Variants in CCDC32 observed in about 807,000 individuals in gnomAD.
The protein encoded by CCDC32 is coiled-coil domain containing 32.
In CCDC32, 9 loss-of-function variants were observed where a neutral mutation model predicts 20.1. The observed-to-expected ratio is 0.45, with a 90% CI of 0.27 to 0.78. The LOEUF is 0.78. Ranked by LOEUF, CCDC32 falls within the 30% of genes least tolerant of loss-of-function variation. CCDC32 has a pLI of 0.16. For synonymous variants in CCDC32, 63 were observed against 79.0 expected (o/e 0.80, Z 1.07); for missense variants, 204 against 215.5 (o/e 0.95, Z 0.33).
exon 4 of CCDC32, chr15:40,528,710 C>A (rs766499150): frequency 2.9e-6 from 2 of 700,132 alleles, no homozygotes; most frequent in South Asian, 3.0e-5. Context: ...CAGGCCTTGT[C>A]CACAAGCGAA....
At chr15:40,544,512 G>A (rs987034702) in intron 3 of CCDC32, among the ~76,000 whole-genome samples, 3 of 152,246 alleles carry the variant, frequency 2.0e-5, no homozygotes, top group Non-Finnish European at 2.9e-5. Flanking sequence ...ACCACTGTGC[G>A]GAGCCCCCTG....
chr15:40,554,279 A>G, intron 3 of CCDC32, 152 bp from the exon 4 acceptor site: 2 of 1,149,674 alleles, frequency 1.7e-6, no homozygotes, highest in South Asian at 3.3e-5. Context: ...GTACAAGGAT[A>G]CTCCTAATGG....
At chr15:40,558,415 G>A (rs987044243) in intron 2 of CCDC32, among the ~76,000 whole-genome samples, 1 of 152,060 alleles carries the variant, frequency 6.6e-6, no homozygotes, top group African/African-American at 2.4e-5. Context: ...ATATAAAAAG[G>A]GTTATCCATA....
chr15:40,560,098 C>G (rs1283925742), intron 2 of CCDC32, among the ~76,000 whole-genome samples: 1 of 152,334 alleles, frequency 6.6e-6, no homozygotes, highest in Admixed American at 6.5e-5. Context: ...CAACCTCTGC[C>G]TCCTGGGTTC....
Position 40,553,575 on chromosome 15 carries a change from A to C in CCDC32, c.*396T>G. On this transcript the variant is annotated 3_prime_UTR_variant, in exon 4 of 4. Coordinates refer to ENST00000416810, the MANE Select transcript of CCDC32 (RefSeq NM_001080792.4). ...GAATGTCCGGAAGAGGCAAGAAAAT[A>C]TATGGCTCACTTAACTTACACATTA... 1.0e-6 allele frequency: 1 copy of C among 995,662 alleles called. No homozygotes were observed. Among genetic ancestry groups the C allele is most frequent in the Non-Finnish European group, 1.2e-6 (1 of 836,822 alleles). The allele number at this position is 995,662 out of a possible 1,614,324, so 61.7% of individuals were successfully genotyped here. A position where few individuals can be genotyped will look rare whatever the true frequency, so the allele number is the denominator to read the frequency against.
At chr15:40,559,353 G>A (rs891290808) in intron 2 of CCDC32, among the ~76,000 whole-genome samples, 3 of 152,168 alleles carry the variant, frequency 2.0e-5, no homozygotes, top group Admixed American at 6.5e-5. Flanking sequence ...CTCTCAGAGC[G>A]CTGGGATTAT....
downstream of CCDC32, chr15:40,537,806 C>A: frequency 6.6e-6 from 1 of 152,294 alleles, no homozygotes; most frequent in Non-Finnish European, 1.5e-5. Flanking sequence ...AAAAATTAGC[C>A]AGGCATGGCA....
rs554427370 is a variant in CCDC32 at position 40,553,941 on chromosome 15, T to C, written c.*30A>G. 2 of 550,590 alleles carry C rather than the reference T, an allele frequency of 3.6e-6. No individual in the cohort carries two copies. Among genetic ancestry groups the C allele is most frequent in the Non-Finnish European group, 5.9e-6 (2 of 341,128 alleles). The allele number at this position is 550,590 out of a possible 1,614,324, so 34.1% of individuals were successfully genotyped here. Reference sequence around the variant, plus strand: ...GTGTGTGTGTGTGTGTGTGTGTGTGTGTGTGTGTGTGTGTGTGTGTGTGTG... The same window carrying C: ...GTGTGTGTGTGTGTGTGTGTGTGTGCGTGTGTGTGTGTGTGTGTGTGTGTG... On this transcript the variant is annotated 3_prime_UTR_variant, in exon 4 of 4. Transcript: ENST00000416810.
downstream of CCDC32, chr15:40,535,564 C>T (rs921730170): frequency 1.9e-5 from 19 of 985,044 alleles, no homozygotes; most frequent in Non-Finnish European, 2.3e-5. Context: ...AGCTTCCTTT[C>T]GTTCAGTCTT....
downstream of CCDC32, among the ~76,000 whole-genome samples, chr15:40,551,011 C>G (rs924396925): frequency 2.6e-5 from 4 of 151,898 alleles, no homozygotes; most frequent in Admixed American, 1.3e-4. Context: ...TTTTCTTAAA[C>G]TGTTGTTTCT....
rs558817944 is a variant in CCDC32, at chr15:40,553,388, A to G, written c.*583T>C. On this transcript the variant is annotated 3_prime_UTR_variant, in exon 4 of 4. Coordinates refer to ENST00000416810, the MANE Select transcript of CCDC32 (RefSeq NM_001080792.4). ...TTTGCCCATTTGTTCCACAAGGAAC[A>G]AATGAGAGAAAGAAGCCCAGCCTCT... is the stretch of plus-strand genomic sequence containing the variant. 6.1e-6 allele frequency: 6 copies of G among 985,482 alleles called. No individual in the cohort carries two copies. In the South Asian group the frequency reaches 1.9e-4, roughly 31 times the overall value. 61.0% of individuals were successfully genotyped at this position (985,482 alleles called of 1,614,324 possible).
At chr15:40,559,529 C>A (rs1890479670) in intron 2 of CCDC32, among the ~76,000 whole-genome samples, 1 of 152,172 alleles carries the variant, frequency 6.6e-6, no homozygotes, top group East Asian at 1.9e-4. Flanking sequence ...AATTTTCATC[C>A]CCTAGGCCAT....
chr15:40,546,598 T>G (rs1889629374), intron 3 of CCDC32, among the ~76,000 whole-genome samples: 1 of 152,170 alleles, frequency 6.6e-6, no homozygotes, highest in South Asian at 2.1e-4. Flanking sequence ...TTATTTTAAG[T>G]CCCTCTGTGA....
At chr15:40,539,840 C>CCCCACACACACACACA (rs1338607302) in intron 3 of CCDC32, among the ~76,000 whole-genome samples, 6 of 134,542 alleles carry the variant, frequency 4.5e-5, no homozygotes, top group Admixed American at 8.0e-5. Flanking sequence ...CAAACTGTTG[C>CCCCACACACACACACA]CACACACACA....
intron 3 of CCDC32, among the ~76,000 whole-genome samples, chr15:40,546,860 A>G (rs1182225131): frequency 1.3e-5 from 2 of 151,530 alleles, no homozygotes; most frequent in Non-Finnish European, 2.9e-5. Context: ...CACCACCAAC[A>G]CCTGGCTAAT....
downstream of CCDC32, among the ~76,000 whole-genome samples, chr15:40,526,561 C>T (rs770199562): frequency 2.0e-5 from 3 of 152,102 alleles, no homozygotes; most frequent in South Asian, 2.1e-4. Context: ...GTCATATGAC[C>T]TTGTACACAT....
At chr15:40,531,104 A>G (rs540435403), downstream of CCDC32, among the ~76,000 whole-genome samples, 2 of 151,630 alleles carry the variant, frequency 1.3e-5, no homozygotes, top group East Asian at 3.9e-4. Context: ...TCTCATTTAT[A>G]AGTGGGAGCT....
chr15:40,558,624 A>T (rs78786814), intron 2 of CCDC32, among the ~76,000 whole-genome samples: 1 of 152,026 alleles, frequency 6.6e-6, no homozygotes, highest in African/African-American at 2.4e-5. Flanking sequence ...GCAAGCAGAA[A>T]CAGGCACTAA....
intron 1 of CCDC32, among the ~76,000 whole-genome samples, chr15:40,564,473 C>T (rs930058523): frequency 1.3e-5 from 2 of 152,064 alleles, no homozygotes; most frequent in African/African-American, 4.8e-5. Context: ...ATAACGAAAG[C>T]AGCCCAAGCA....
Sources: allele counts gnomAD v4.1 joint callset (sites outside exome capture counted in the v4.1 genomes callset), GRCh38; gene constraint gnomAD v4.1.1; transcripts MANE v1.5; gene names NCBI Gene and HGNC (gene_info 2026-07-23, HGNC 2026-07-21).